The following CSMD1 variants were observed in gnomAD, a reference collection of about 807,000 sequenced individuals.
CSMD1 encodes CUB and Sushi multiple domains 1, also known as CUB and sushi domain-containing protein 1.
A neutral mutation model predicts 417.5 loss-of-function variants in CSMD1; 213 were observed. The ratio of observed to expected loss-of-function variants is 0.51; its 90% CI spans 0.46 to 0.57. The LOEUF is 0.57. CSMD1 is among the 20% of genes least tolerant of loss of function. CSMD1 has a pLI of 0.00. For missense variants in CSMD1, 6,923 were observed against 4,529.7 expected (o/e 1.53, Z -15.17); for synonymous variants, 2,862 against 1,736.8 (o/e 1.65, Z -16.11).
rs573318148 is a variant in CSMD1, at chr8:3,081,694, G to A, written c.7474+5403C>T. 6.6e-5 allele frequency among the ~76,000 whole-genome samples: 10 copies of A among 152,276 alleles called. No homozygotes were observed. The South Asian group carries it at 2.1e-3, about 32-fold the overall frequency. On this transcript the variant is annotated intron_variant, in intron 49 of 69. Transcript: ENST00000635120. ...AAACTGTTATTTATTTTGTGGTAGA[G>A]CTGCCTAGTTTGAAATTTATTACAG...
intron 5 of CSMD1, among the ~76,000 whole-genome samples, chr8:3,931,107 G>A (rs1020827840): frequency 7.3e-5 from 11 of 150,520 alleles, no homozygotes; most frequent in African/African-American, 2.7e-4. Context: ...TATCATTAAA[G>A]CCTAGGCCGA....
chr8:3,621,204 G>A (rs1007815183), intron 7 of CSMD1, among the ~76,000 whole-genome samples: 9 of 152,136 alleles, frequency 5.9e-5, no homozygotes, highest in African/African-American at 1.4e-4. Context: ...TAAGCCACTC[G>A]GCGAGTAGCG....
At chr8:4,962,576 G>A (rs17433340) in intron 1 of CSMD1, among the ~76,000 whole-genome samples, 2,788 of 152,162 alleles carry the variant, frequency 0.018, 47 homozygotes, top group Non-Finnish European at 0.028. Flanking sequence ...TAGGATTTTG[G>A]CATAATCAGA....
chr8:3,230,225 A>G lies in CSMD1; in HGVS notation c.4160T>C (p.Ile1387Thr), dbSNP rs368116957. The G allele has an allele frequency of 1.7e-5, 27 of 1,579,570 alleles. No individual in the cohort carries two copies. The African/African-American group carries it at 3.0e-4, about 17-fold the overall frequency. The change falls in exon 27 of 70, where the codon ATT becomes ACT. Residue 1387 changes from isoleucine (I) to threonine (T), a missense_variant. Coordinates refer to ENST00000635120, the MANE Select transcript of CSMD1 (RefSeq NM_033225.6). The stretch of plus-strand genomic sequence containing the variant: ...ACCTGGATCGTTACAGGTGGCTGCA[A>G]TTGAGGCTGCAAACAAAAGAGAAGG... ...SGFSIQFSTSIAATCNDPGMP... is the reference protein window; with the variant it reads ...SGFSIQFSTSTAATCNDPGMP...
intron 2 of CSMD1, among the ~76,000 whole-genome samples, chr8:4,623,781 C>CA (rs1303381919): frequency 1.3e-5 from 2 of 151,724 alleles, no homozygotes; most frequent in Non-Finnish European, 2.9e-5. Flanking sequence ...TATAATATTT[C>CA]AAAAAAGCAA....
intron 6 of CSMD1, among the ~76,000 whole-genome samples, chr8:3,726,576 C>G (rs571307174): frequency 2.0e-5 from 3 of 152,248 alleles, no homozygotes; most frequent in African/African-American, 7.2e-5. Flanking sequence ...TCAGGAGAAG[C>G]AGGAAATCTG....
chr8:3,744,979 G>C (rs1031130976), intron 6 of CSMD1, among the ~76,000 whole-genome samples: 2 of 152,148 alleles, frequency 1.3e-5, no homozygotes, highest in Non-Finnish European at 2.9e-5. Flanking sequence ...TTGTAGTAAA[G>C]CCTAGAGTAG....
intron 5 of CSMD1, among the ~76,000 whole-genome samples, chr8:3,966,391 A>T (rs1812679237): frequency 6.6e-6 from 1 of 152,180 alleles, no homozygotes; most frequent in South Asian, 2.1e-4. Context: ...CTTGAAAACA[A>T]TTCTGATAAA....
intron 2 of CSMD1, among the ~76,000 whole-genome samples, chr8:4,502,257 A>ACTCG (rs1802297270): frequency 6.6e-6 from 1 of 152,118 alleles, no homozygotes; most frequent in African/African-American, 2.4e-5. Context: ...TTCTGGGTGC[A>ACTCG]CATTCTTGCA....
At chr8:4,517,615 G>C (rs541819409) in intron 2 of CSMD1, among the ~76,000 whole-genome samples, 2 of 152,036 alleles carry the variant, frequency 1.3e-5, no homozygotes, top group South Asian at 4.1e-4. Context: ...TAACATGCAC[G>C]AGCCTTTAAA....
intron 6 of CSMD1, among the ~76,000 whole-genome samples, chr8:3,751,314 G>GTC (rs779554174): frequency 5.5e-5 from 8 of 145,990 alleles, no homozygotes; most frequent in Admixed American, 6.9e-5. Flanking sequence ...GTGTGTGTGT[G>GTC]TGTGTGTGTG....
At chr8:3,636,883 C>T (rs552625935) in intron 7 of CSMD1, among the ~76,000 whole-genome samples, 6 of 152,196 alleles carry the variant, frequency 3.9e-5, no homozygotes, top group South Asian at 2.1e-4. Flanking sequence ...GATTTTGTTG[C>T]CATTGTGAGG....
At chr8:4,021,372 G>A (rs1049657379) in intron 4 of CSMD1, among the ~76,000 whole-genome samples, 8 of 152,192 alleles carry the variant, frequency 5.3e-5, no homozygotes, top group Middle Eastern at 3.2e-3. Flanking sequence ...CGCATCTGGG[G>A]ATTTTTAACT....
intron 5 of CSMD1, among the ~76,000 whole-genome samples, chr8:3,991,320 G>A (rs1814729108): frequency 6.6e-6 from 1 of 152,198 alleles, no homozygotes; most frequent in African/African-American, 2.4e-5. Context: ...GAGGTACCTA[G>A]GTTGTGGCGT....
intron 3 of CSMD1, among the ~76,000 whole-genome samples, chr8:4,285,058 T>G (rs1398221386): frequency 2.6e-5 from 4 of 152,300 alleles, no homozygotes; most frequent in African/African-American, 9.6e-5. Context: ...CATAACACAA[T>G]AGTCAGAATG....
chr8:3,634,344 C>G (rs1436395608), intron 7 of CSMD1, among the ~76,000 whole-genome samples: 2 of 152,188 alleles, frequency 1.3e-5, no homozygotes, highest in African/African-American at 4.8e-5. Flanking sequence ...CTGTGTGACA[C>G]TCTGTGACAA....
At chr8:3,845,582 G>C (rs1023933482) in intron 5 of CSMD1, among the ~76,000 whole-genome samples, 1 of 152,096 alleles carries the variant, frequency 6.6e-6, no homozygotes, top group Non-Finnish European at 1.5e-5. Context: ...GAAGGCCTAG[G>C]ACATCTCAGT....
intron 3 of CSMD1, among the ~76,000 whole-genome samples, chr8:4,103,700 A>C (rs1178247856): frequency 5.9e-5 from 9 of 152,192 alleles, no homozygotes; most frequent in Non-Finnish European, 1.2e-4. Context: ...GTGAATGCTT[A>C]AAACCCATGA....
intron 1 of CSMD1, among the ~76,000 whole-genome samples, chr8:4,863,147 T>C (rs1448267089): frequency 6.6e-6 from 1 of 152,144 alleles, no homozygotes; most frequent in African/African-American, 2.4e-5. Context: ...GAGTTTACAT[T>C]AATAATTAGA....
Sources: allele counts gnomAD v4.1 joint callset (sites outside exome capture counted in the v4.1 genomes callset), GRCh38; gene constraint gnomAD v4.1.1; transcripts MANE v1.5; gene names NCBI Gene and HGNC (gene_info 2026-07-23, HGNC 2026-07-21).